SOS2: variants seen among roughly 807,000 people sequenced by gnomAD.
SOS2 encodes SOS Ras/Rho guanine nucleotide exchange factor 2, also known as son of sevenless homolog 2.
SOS2 carries 65 observed loss-of-function variants against 148.2 expected under a neutral mutation model. The observed-to-expected ratio is 0.44, with a 90% confidence interval of 0.36 to 0.54. SOS2 has a LOEUF of 0.54. Among genes scored for constraint, SOS2 ranks in the 20% least tolerant of loss-of-function variants. The pLI is 0.00. For missense variants in SOS2, 1,341 were observed against 1,590.2 expected, an observed-to-expected ratio of 0.84 and a Z score of 2.67; for synonymous variants, 539 against 537.1, an observed-to-expected ratio of 1.00 and a Z score of -0.05.
intron 16 of SOS2, among the ~76,000 whole-genome samples, chr14:50,144,917 G>A (rs537076399): frequency 2.0e-5 from 3 of 151,828 alleles, no homozygotes; most frequent in African/African-American, 4.8e-5. Flanking sequence ...TACATTACAC[G>A]GCAGTGCAAG....
At chr14:50,173,125 C>T (rs1283520369) in intron 8 of SOS2, among the ~76,000 whole-genome samples, 1 of 152,102 alleles carries the variant, frequency 6.6e-6, no homozygotes, top group Non-Finnish European at 1.5e-5. Flanking sequence ...CTTGTGGCCA[C>T]CATGCCCAGC....
chr14:50,133,332 C>T (rs577399390), intron 19 of SOS2, among the ~76,000 whole-genome samples: 10 of 144,768 alleles, frequency 6.9e-5, no homozygotes, highest in East Asian at 4.3e-4. Flanking sequence ...CTGCAACCTC[C>T]GCCCCCAGGC....
intron 18 of SOS2, among the ~76,000 whole-genome samples, chr14:50,137,664 T>A (rs922994704): frequency 2.0e-5 from 3 of 152,138 alleles, no homozygotes; most frequent in African/African-American, 4.8e-5. Context: ...TTTTAATTTT[T>A]AAAATTTTTA....
rs373602186 is a variant in SOS2, at chr14:50,224,883, C to CAA, written c.87+6312_87+6313dup. Among the ~76,000 whole-genome samples, 30 of 96,682 alleles carry CAA rather than the reference C, an allele frequency of 3.1e-4. 1 individual carries two copies. Among genetic ancestry groups the CAA allele is most frequent in the African/African-American group, 6.9e-4 (17 of 24,632 alleles). The allele number at this position is 96,682 out of a possible 152,430, so 63.4% of individuals were successfully genotyped here. On this transcript the variant is annotated intron_variant, in intron 1 of 22. Transcript: ENST00000216373. ...CCTGCGTAGCAGAGCAAAACCCTGT[C>CAA]AAAAAAAAAAAAAAAGAGAGAGAGA...
At chr14:50,124,047 T>C (rs1228266258) in intron 21 of SOS2, among the ~76,000 whole-genome samples, 1 of 152,158 alleles carries the variant, frequency 6.6e-6, no homozygotes, top group Non-Finnish European at 1.5e-5. Context: ...TTGGAGGGGA[T>C]AATAAGAAGC....
At chr14:50,179,138 T>C (rs1218929223) in intron 7 of SOS2, among the ~76,000 whole-genome samples, 2 of 152,174 alleles carry the variant, frequency 1.3e-5, no homozygotes, top group Non-Finnish European at 2.9e-5. Flanking sequence ...TTAAGTTACT[T>C]GTCAAAGGCA....
rs774571340 is a variant in SOS2 at position 50,118,820 on chromosome 14, T to C, written c.3523A>G (p.Ile1175Val). The change falls in exon 23 of 23, where the codon ATT becomes GTT. Residue 1175 changes from isoleucine to valine, a missense_variant. By Grantham distance (29) the Ile-to-Val change is conservative. Transcript: ENST00000216373. ...NMKSDDDPPA[I>V]PPRQPPPPKV... ...GGAGGAGGAGGCTGTCTCGGTGGAA[T>C]AGCAGGAGGATCATCATCAGATTTC... 15 of 1,493,686 alleles carry C rather than the reference T, an allele frequency of 1.0e-5. No individual in the cohort carries two copies. The highest frequency in any genetic ancestry group is 1.3e-5 in the Non-Finnish European group (14 of 1,115,336). The allele number at this position is 1,493,686 out of a possible 1,614,324, so 92.5% of individuals were successfully genotyped here. A position where few individuals can be genotyped will look rare whatever the true frequency, so the allele number is the denominator to read the frequency against.
rs1884217505 is a variant in SOS2 at position 50,140,040 on chromosome 14, C to T, written c.2687G>A (p.Arg896Lys). 3.8e-6 allele frequency: 6 copies of T among 1,592,892 alleles called. No individual in the cohort carries two copies. The highest frequency in any genetic ancestry group is 5.2e-6 in the Non-Finnish European group (6 of 1,163,614). ...HTFEALQERK[R>K]KILDEAVELS... is the part of the protein sequence containing the mutation. ...TTCCACAGCTTCGTCCAAAATTTTCCTTTTCCTTTCCTGCAGTGCCTTAAA... is the reference window on the plus strand; with the variant it reads ...TTCCACAGCTTCGTCCAAAATTTTCTTTTTCCTTTCCTGCAGTGCCTTAAA... Residue 896 changes from arginine to lysine, a missense_variant, in exon 17 of 23, where the codon AGG (arginine) becomes AAG (lysine). Physicochemically the swap from Arg to Lys is conservative, Grantham distance 26. Coordinates refer to ENST00000216373, the MANE Select transcript of SOS2 (RefSeq NM_006939.4).
chr14:50,144,934 A>G (rs1594969628), intron 16 of SOS2, among the ~76,000 whole-genome samples: 1 of 152,036 alleles, frequency 6.6e-6, no homozygotes, highest in Admixed American at 6.6e-5. Flanking sequence ...CAAGTCTCAT[A>G]TTGTTTATTG....
At chr14:50,131,113 T>C (rs1883852534) in intron 19 of SOS2, among the ~76,000 whole-genome samples, 1 of 152,208 alleles carries the variant, frequency 6.6e-6, no homozygotes. Flanking sequence ...ACATAATTTA[T>C]GAAACATATT....
rs755043578 is a variant in SOS2, at chr14:50,159,840, G to A, written c.1443C>T (p.Tyr481=). The change falls in exon 10 of 23, where the codon TAC becomes TAT. Residue 481 remains tyrosine (Y), a synonymous_variant. Coordinates refer to ENST00000216373, the MANE Select transcript of SOS2 (RefSeq NM_006939.4). ...CTTTTAACCTGTATTCTGCACTACT[G>A]TAACCTGGAAGCCGAGTCTGGCCAT... ...PNHGQTRLPG[Y]SSAEYRLKEK... The A allele has an allele frequency of 3.7e-6, 6 of 1,613,802 alleles. No individual in the cohort carries two copies. The highest frequency in any genetic ancestry group is 5.1e-6 in the Non-Finnish European group (6 of 1,179,992).
chr14:50,198,029 G>A (rs1015413340), intron 4 of SOS2, among the ~76,000 whole-genome samples: 1 of 149,202 alleles, frequency 6.7e-6, no homozygotes, highest in Non-Finnish European at 1.5e-5. Flanking sequence ...AGTTAAGGGA[G>A]GAATGAGGAA....
At position 50,208,172 on chromosome 14, in the gene SOS2, G is replaced by A. The variant is rs12887431; in HGVS notation, c.88-3763C>T. 4.5e-3 allele frequency among the ~76,000 whole-genome samples: 686 copies of A among 151,804 alleles called. 1 individual carries two copies. Among genetic ancestry groups the A allele is most frequent in the East Asian group, 0.011 (58 of 5,126 alleles). On this transcript the variant is annotated intron_variant, in intron 1 of 22. Coordinates refer to ENST00000216373, the MANE Select transcript of SOS2 (RefSeq NM_006939.4). ...ATTAGCCACGCATGGTAGAAGGCGC[G>A]TGTAGTCCCAGATACTTGGGAGGCT...
chr14:50,168,080 T>G (rs954073041), intron 8 of SOS2, among the ~76,000 whole-genome samples: 4 of 152,184 alleles, frequency 2.6e-5, no homozygotes, highest in African/African-American at 9.7e-5. Context: ...TAATTCCTCT[T>G]GAGAGAGAAT....
chr14:50,143,667 C>G (rs1441123901), intron 16 of SOS2, among the ~76,000 whole-genome samples: 2 of 152,116 alleles, frequency 1.3e-5, no homozygotes. Flanking sequence ...GTATCGAACT[C>G]CTGACCTCAG....
intron 5 of SOS2, among the ~76,000 whole-genome samples, chr14:50,183,074 G>C (rs1207705836): frequency 6.6e-6 from 1 of 152,052 alleles, no homozygotes; most frequent in African/African-American, 2.4e-5. Context: ...TTTGCATTTT[G>C]CTCTTGGGAA....
intron 10 of SOS2, 50 bp from the exon 11 acceptor site, chr14:50,158,696 A>C (rs1163289782): frequency 8.4e-7 from 1 of 1,186,396 alleles, no homozygotes; most frequent in African/African-American, 1.5e-5. Context: ...TATTCAGTTT[A>C]ATTAACTCAA....
intron 21 of SOS2, 117 bp from the exon 22 acceptor site, chr14:50,120,501 A>C: frequency 1.6e-6 from 1 of 634,062 alleles, no homozygotes; most frequent in Admixed American, 3.2e-5. Context: ...CTATTGGTTT[A>C]TCTATCTTCC....
rs1884885221 is a variant in SOS2, at chr14:50,158,415, A to T, written c.1934+150T>A. On this transcript the variant is annotated intron_variant, in intron 11 of 22. Transcript: ENST00000216373. ...ATAAACAGATTTTAGGGAGTACTCC[A>T]TTTGAAGAGAATAGTAATACTGCCA... is the stretch of plus-strand genomic sequence containing the variant. 7 of 528,312 alleles carry T rather than the reference A, an allele frequency of 1.3e-5. No homozygotes were observed. The East Asian group carries it at 2.3e-4, about 17-fold the overall frequency. The allele number at this position is 528,312 out of a possible 1,614,324, so 32.7% of individuals were successfully genotyped here.
Sources: allele counts gnomAD v4.1 joint callset (sites outside exome capture counted in the v4.1 genomes callset), GRCh38; gene constraint gnomAD v4.1.1; transcripts MANE v1.5; gene names NCBI Gene and HGNC (gene_info 2026-07-23, HGNC 2026-07-21).